GALM: variants seen among roughly 807,000 people sequenced by gnomAD.
GALM encodes aldose 1-epimerase.
A neutral mutation model predicts 37.4 loss-of-function variants in GALM; 43 were observed. That is an observed-to-expected ratio of 1.15 (90% confidence interval 0.90 to 1.48). The LOEUF (loss-of-function observed/expected upper bound fraction) is 1.48. Ranked by LOEUF, GALM falls within the 40% of genes most tolerant of loss-of-function variation. The pLI is 0.00. For missense variants in GALM, 456 were observed against 419.1 expected (o/e 1.09, Z -0.77); for synonymous variants, 199 against 170.6 (o/e 1.17, Z -1.30).
intron 4 of GALM, among the ~76,000 whole-genome samples, chr2:38,711,743 A>AT (rs1666167215): frequency 1.1e-3 from 1 of 952 alleles, no homozygotes; most frequent in African/African-American, 3.7e-3. Flanking sequence ...ATCATCATTA[A>AT]CATCACCATC....
intron 4 of GALM, among the ~76,000 whole-genome samples, chr2:38,722,445 C>T (rs1666404274): frequency 6.6e-6 from 1 of 152,156 alleles, no homozygotes; most frequent in Non-Finnish European, 1.5e-5. Context: ...GAGCTGTAAC[C>T]CTAGATTGTT....
chr2:38,670,160 A>C (rs1665057142), intron 1 of GALM, among the ~76,000 whole-genome samples: 1 of 152,102 alleles, frequency 6.6e-6, no homozygotes, highest in South Asian at 2.1e-4. Flanking sequence ...CACCACGCCC[A>C]GCCTAAAAAT....
At chr2:38,731,651 C>G in intron 5 of GALM, 84 bp from the exon 6 acceptor site, 1 of 990,956 alleles carries the variant, frequency 1.0e-6, no homozygotes, top group Non-Finnish European at 1.6e-6. Flanking sequence ...GGGTCTGATT[C>G]CTGTCTCAAA....
chr2:38,703,955 G>A (rs1166681153), intron 4 of GALM, among the ~76,000 whole-genome samples: 1 of 152,026 alleles, frequency 6.6e-6, no homozygotes, highest in East Asian at 1.9e-4. Flanking sequence ...GGCAGAGGTT[G>A]CAGTAAGCCA....
chr2:38,680,476 G>A (rs1322702527), intron 2 of GALM, among the ~76,000 whole-genome samples: 1 of 152,064 alleles, frequency 6.6e-6, no homozygotes, highest in Non-Finnish European at 1.5e-5. Flanking sequence ...AATGAGCTAG[G>A]GACAAATGAG....
chr2:38,696,859 A>C (rs1432673956), intron 4 of GALM, among the ~76,000 whole-genome samples: 1 of 131,126 alleles, frequency 7.6e-6, no homozygotes, highest in Non-Finnish European at 1.5e-5. Context: ...GCGCGATCTC[A>C]GCTCACTGTA....
chr2:38,712,341 C>G (rs1007593148), intron 4 of GALM, among the ~76,000 whole-genome samples: 5 of 152,334 alleles, frequency 3.3e-5, no homozygotes, highest in South Asian at 4.1e-4. Flanking sequence ...CTCCCTGAGC[C>G]TGTAGTCTTG....
intron 4 of GALM, among the ~76,000 whole-genome samples, chr2:38,719,212 C>T (rs1666327320): frequency 6.6e-6 from 1 of 151,860 alleles, no homozygotes; most frequent in Non-Finnish European, 1.5e-5. Context: ...TGGCTCATGC[C>T]TGTAATCTCA....
At chr2:38,675,533 TTTTTTTTTTTTGTGTGTGTGTG>T (rs2148426349) in intron 1 of GALM, among the ~76,000 whole-genome samples, 1 of 89,604 alleles carries the variant, frequency 1.1e-5, no homozygotes, top group South Asian at 4.5e-4. Context: ...TTTGTTTTTT[TTTTTTTTTTTTGTGTGTGTGTG>T]TGTGTGTGTG....
chr2:38,703,059 T>A (rs1665952818), intron 4 of GALM, among the ~76,000 whole-genome samples: 1 of 2,894 alleles, frequency 3.5e-4, no homozygotes, highest in Non-Finnish European at 1.3e-3. Context: ...GGATTTTATA[T>A]ATATATATAT....
At chr2:38,673,432 A>C (rs1665163728) in intron 1 of GALM, among the ~76,000 whole-genome samples, 1 of 152,218 alleles carries the variant, frequency 6.6e-6, no homozygotes. Flanking sequence ...GAATTTAAAG[A>C]GAAGAAAAGT....
At chr2:38,696,428 C>A (rs907860518) in intron 4 of GALM, among the ~76,000 whole-genome samples, 1 of 142,460 alleles carries the variant, frequency 7.0e-6, no homozygotes, top group African/African-American at 2.6e-5. Flanking sequence ...TTTTCTTTTT[C>A]TTTTCTTTTT....
At chr2:38,720,039 T>TA (rs1017887331) in intron 4 of GALM, among the ~76,000 whole-genome samples, 4 of 151,166 alleles carry the variant, frequency 2.6e-5, no homozygotes, top group African/African-American at 4.9e-5. Flanking sequence ...CCGTCTCTAC[T>TA]AAAAAAAATA....
intron 4 of GALM, among the ~76,000 whole-genome samples, chr2:38,705,023 A>G (rs978480543): frequency 1.3e-5 from 2 of 152,240 alleles, no homozygotes; most frequent in African/African-American, 4.8e-5. Flanking sequence ...GAAATCTGGC[A>G]GGAAGAAAGC....
At chr2:38,726,489 G>A (rs1184635850) in intron 4 of GALM, among the ~76,000 whole-genome samples, 4 of 151,550 alleles carry the variant, frequency 2.6e-5, no homozygotes, top group South Asian at 4.2e-4. Context: ...GCCTGCCAAC[G>A]TGCTGGGATT....
chr2:38,727,348 A>G (rs532611907), intron 4 of GALM, among the ~76,000 whole-genome samples: 110 of 152,072 alleles, frequency 7.2e-4, no homozygotes, highest in Non-Finnish European at 1.4e-3. Context: ...CTTCGTACCT[A>G]GGCATCCTGA....
chr2:38,693,844 C>T (rs146228280), intron 4 of GALM, among the ~76,000 whole-genome samples: 1 of 152,118 alleles, frequency 6.6e-6, no homozygotes, highest in East Asian at 1.9e-4. Flanking sequence ...AGAACTCAGG[C>T]TCTTAAGTAG....
intron 4 of GALM, 93 bp downstream of exon 4, chr2:38,689,987 A>C (rs529865771): frequency 1.4e-6 from 1 of 706,244 alleles, no homozygotes; most frequent in African/African-American, 1.8e-5. Flanking sequence ...GTGAAATCTT[A>C]ATAAAGTCTA....
intron 4 of GALM, among the ~76,000 whole-genome samples, chr2:38,695,604 A>G (rs1390736064): frequency 6.6e-6 from 1 of 152,156 alleles, no homozygotes; most frequent in African/African-American, 2.4e-5. Flanking sequence ...TTACTGCGTA[A>G]ATCAGTTATT....
Sources: allele counts gnomAD v4.1 joint callset (sites outside exome capture counted in the v4.1 genomes callset), GRCh38; gene constraint gnomAD v4.1.1; transcripts MANE v1.5; gene names NCBI Gene and HGNC (gene_info 2026-07-23, HGNC 2026-07-21).